TTC28: variants seen among roughly 807,000 people sequenced by gnomAD.
TTC28 encodes tetratricopeptide repeat protein 28.
A neutral mutation model predicts 198.0 loss-of-function variants in TTC28; 61 were observed. The ratio of observed to expected loss-of-function variants is 0.31; its 90% CI spans 0.25 to 0.38. The LOEUF (loss-of-function observed/expected upper bound fraction) is 0.38. Among genes scored for constraint, TTC28 ranks in the 10% least tolerant of loss-of-function variants. The pLI, the probability that TTC28 is intolerant of heterozygous loss-of-function variation, is 1.00. For synonymous variants in TTC28, 1,171 were observed against 1,297.8 expected, an observed-to-expected ratio of 0.90 and a Z score of 2.10; for missense variants, 2,678 against 3,164.0, an observed-to-expected ratio of 0.85 and a Z score of 3.69.
At chr22:28,535,792 G>A (rs552912330) in intron 2 of TTC28, among the ~76,000 whole-genome samples, 3 of 152,226 alleles carry the variant, frequency 2.0e-5, no homozygotes, top group Admixed American at 6.5e-5. Context: ...GCCATGTGAA[G>A]ACTGTGCCTG....
intron 14 of TTC28, chr22:28,007,375 TTTCA>T (rs1401401926): frequency 6.6e-6 from 1 of 151,950 alleles, no homozygotes; most frequent in Admixed American, 6.6e-5. Context: ...AGATACTGTA[TTTCA>T]GCCAGAAATG....
intron 2 of TTC28, among the ~76,000 whole-genome samples, chr22:28,588,145 A>AC (rs985613136): frequency 5.3e-5 from 8 of 150,450 alleles, no homozygotes; most frequent in South Asian, 2.1e-4. Flanking sequence ...CCGTCTCAAA[A>AC]AAAAAAACAA....
chr22:27,986,166 G>C (rs1569067499), intron 21 of TTC28: 2 of 152,186 alleles, frequency 1.3e-5, no homozygotes, highest in African/African-American at 4.8e-5. Flanking sequence ...TGTCGAGGGA[G>C]GGACCTGGTG....
At chr22:28,410,063 A>T (rs1409631840) in intron 2 of TTC28, among the ~76,000 whole-genome samples, 1 of 151,956 alleles carries the variant, frequency 6.6e-6, no homozygotes, top group African/African-American at 2.4e-5. Flanking sequence ...CTGGGACTGC[A>T]GGCATGTACC....
Position 27,981,251 on chromosome 22 carries a change from T to C in TTC28, c.*970A>G, listed in dbSNP as rs1369861921. 4 of 137,642 alleles carry C rather than the reference T, an allele frequency of 2.9e-5. No homozygotes were observed. The highest frequency in any genetic ancestry group is 5.4e-5 in the African/African-American group (2 of 36,992). 8.5% of individuals were successfully genotyped at this position (137,642 alleles called of 1,614,324 possible). A position where few individuals can be genotyped will look rare whatever the true frequency, so the allele number is the denominator to read the frequency against. On this transcript the variant is annotated 3_prime_UTR_variant, in exon 23 of 23. Coordinates refer to ENST00000397906, the MANE Select transcript of TTC28 (RefSeq NM_001145418.2). ...GGAAATTTTTTTTTTTTTTTTTTTT[T>C]TTTTTTTTTTTTTTTTGCTTATAAG...
chr22:28,258,231 G>A lies in TTC28; in HGVS notation c.933+37967C>T, dbSNP rs73882717. The stretch of plus-strand genomic sequence containing the variant: ...TTGAACGTGCACAGGTCACACAATG[G>A]AATTTCATGTTATATAAGGAATCCT... On this transcript the variant is annotated intron_variant, in intron 5 of 22. Coordinates refer to ENST00000397906, the MANE Select transcript of TTC28 (RefSeq NM_001145418.2). Among the ~76,000 whole-genome samples, 1,330 of 152,146 alleles carry A rather than the reference G, an allele frequency of 8.7e-3. 17 individuals carry two copies. Among genetic ancestry groups the A allele is most frequent in the African/African-American group, 0.03 (1,258 of 41,526 alleles).
At chr22:28,453,950 A>G (rs759883677) in intron 2 of TTC28, among the ~76,000 whole-genome samples, 4 of 151,958 alleles carry the variant, frequency 2.6e-5, no homozygotes, top group Admixed American at 1.3e-4. Context: ...TTTCACCCTC[A>G]TTTTTTACCA....
At chr22:28,514,349 T>C (rs1399215845) in intron 2 of TTC28, among the ~76,000 whole-genome samples, 1 of 152,198 alleles carries the variant, frequency 6.6e-6, no homozygotes, top group Non-Finnish European at 1.5e-5. Flanking sequence ...AGAGAACAAT[T>C]TGGCAAGTTA....
intron 2 of TTC28, among the ~76,000 whole-genome samples, chr22:28,415,003 AC>A (rs1269612710): frequency 6.6e-6 from 1 of 152,206 alleles, no homozygotes; most frequent in Non-Finnish European, 1.5e-5. Flanking sequence ...CAATGATCTA[AC>A]ACTGTATTCT....
chr22:28,441,852 A>C (rs912137411), intron 2 of TTC28, among the ~76,000 whole-genome samples: 23 of 151,768 alleles, frequency 1.5e-4, no homozygotes, highest in African/African-American at 5.1e-4. Context: ...GAAGAATGTC[A>C]ATAAAAACCA....
chr22:28,136,278 G>T (rs182184511), intron 6 of TTC28, among the ~76,000 whole-genome samples: 1 of 152,148 alleles, frequency 6.6e-6, no homozygotes, highest in Admixed American at 6.5e-5. Flanking sequence ...TCAAGTAGTT[G>T]AAAATACAGG....
At position 28,318,572 on chromosome 22, in the gene TTC28, G is replaced by A. The variant is rs188877031; in HGVS notation, c.382-11929C>T. On this transcript the variant is annotated intron_variant, in intron 2 of 22. Coordinates refer to ENST00000397906, the MANE Select transcript of TTC28 (RefSeq NM_001145418.2). ...AAGCTATACTATGAAGTCTTTTCAGGGTGTAGTTGTGTTCAATGGAAAAGA... is the reference window on the plus strand; with the variant it reads ...AAGCTATACTATGAAGTCTTTTCAGAGTGTAGTTGTGTTCAATGGAAAAGA... 2.6e-5 allele frequency among the ~76,000 whole-genome samples: 4 copies of A among 152,130 alleles called. No individual in the cohort carries two copies. The East Asian group carries it at 7.7e-4, about 29-fold the overall frequency.
At chr22:28,169,268 T>C (rs1922386714) in intron 5 of TTC28, among the ~76,000 whole-genome samples, 1 of 152,184 alleles carries the variant, frequency 6.6e-6, no homozygotes, top group African/African-American at 2.4e-5. Context: ...GGTGTGGTGA[T>C]TCCTCAGGGA....
intron 5 of TTC28, among the ~76,000 whole-genome samples, chr22:28,221,953 G>A (rs559418783): frequency 8.5e-5 from 13 of 152,308 alleles, no homozygotes; most frequent in African/African-American, 3.1e-4. Context: ...CTGGCATTTA[G>A]TGGTTACTCA....
At chr22:28,387,208 G>C (rs187091447) in intron 2 of TTC28, among the ~76,000 whole-genome samples, 6 of 152,182 alleles carry the variant, frequency 3.9e-5, no homozygotes, top group African/African-American at 1.4e-4. Flanking sequence ...ATTCCATGGT[G>C]TACATGTGCC....
intron 1 of TTC28, among the ~76,000 whole-genome samples, chr22:28,648,101 G>A (rs2051501382): frequency 1.3e-5 from 2 of 151,324 alleles, no homozygotes; most frequent in East Asian, 2.0e-4. Context: ...GTGGGCGCCT[G>A]TAGTCCCAGC....
At chr22:28,041,153 C>T (rs1225563402) in intron 12 of TTC28, among the ~76,000 whole-genome samples, 1 of 152,182 alleles carries the variant, frequency 6.6e-6, no homozygotes, top group Non-Finnish European at 1.5e-5. Flanking sequence ...AATGGCCATA[C>T]TGCCCAAGGT....
At position 28,180,894 on chromosome 22, in the gene TTC28, G is replaced by A. The variant is rs117142367; in HGVS notation, c.934-17295C>T. ...CTGTATGTGCTCAATAGCTGGTGTC[G>A]GATTTACTACCATCAATCTAACCAG... On this transcript the variant is annotated intron_variant, in intron 5 of 22. Coordinates refer to ENST00000397906, the MANE Select transcript of TTC28 (RefSeq NM_001145418.2). Among the ~76,000 whole-genome samples, 32 of 152,212 alleles carry A rather than the reference G, an allele frequency of 2.1e-4. No individual in the cohort carries two copies. The East Asian group carries it at 5.2e-3, about 25-fold the overall frequency.
intron 2 of TTC28, among the ~76,000 whole-genome samples, chr22:28,502,275 C>A (rs1475874572): frequency 1.2e-4 from 19 of 152,144 alleles, no homozygotes; most frequent in Non-Finnish European, 1.6e-4. Context: ...GAACTGATTT[C>A]AATATCACTA....
Sources: allele counts gnomAD v4.1 joint callset (sites outside exome capture counted in the v4.1 genomes callset), GRCh38; gene constraint gnomAD v4.1.1; transcripts MANE v1.5; gene names NCBI Gene and HGNC (gene_info 2026-07-23, HGNC 2026-07-21).